ZDHHC2: variants seen among roughly 807,000 people sequenced by gnomAD.
The protein encoded by ZDHHC2 is palmitoyltransferase ZDHHC2.
ZDHHC2 carries 51 observed loss-of-function variants against 55.6 expected under a neutral mutation model. That is an observed-to-expected ratio of 0.92 (90% confidence interval 0.73 to 1.16). The LOEUF (loss-of-function observed/expected upper bound fraction) is 1.16. Among genes scored for constraint, ZDHHC2 ranks in the 50% most tolerant of loss-of-function variants. The pLI, the probability that ZDHHC2 is intolerant of heterozygous loss-of-function variation, is 0.00. For synonymous variants in ZDHHC2, 199 were observed against 152.9 expected, an observed-to-expected ratio of 1.30 and a Z score of -2.22; for missense variants, 491 against 442.4, an observed-to-expected ratio of 1.11 and a Z score of -0.99.
chr8:17,167,282 C>G (rs576278222), intron 1 of ZDHHC2, among the ~76,000 whole-genome samples: 235 of 148,182 alleles, frequency 1.6e-3, no homozygotes, highest in Middle Eastern at 0.011. Flanking sequence ...TATAAACAAG[C>G]TGGTAATACT....
Position 17,198,152 on chromosome 8 carries a change from C to T in ZDHHC2, c.444-229C>T, listed in dbSNP as rs1455616269. 2.6e-5 allele frequency among the ~76,000 whole-genome samples: 4 copies of T among 152,180 alleles called. No homozygotes were observed. The South Asian group carries it at 6.2e-4, about 24-fold the overall frequency. ...TGTTTTTAGGAAATGAGTTGCTTTG[C>T]ATCTTAAGCATGTATATTTTGAATT... On this transcript the variant is annotated intron_variant, in intron 5 of 12. Transcript: ENST00000262096.
At chr8:17,196,420 T>A (rs1046989514) in intron 4 of ZDHHC2, among the ~76,000 whole-genome samples, 9 of 152,112 alleles carry the variant, frequency 5.9e-5, no homozygotes, top group Admixed American at 2.0e-4. Flanking sequence ...ACAGACACAG[T>A]GGCTTGTGCC....
intron 1 of ZDHHC2, among the ~76,000 whole-genome samples, chr8:17,181,280 A>G (rs527476765): frequency 6.6e-6 from 1 of 152,356 alleles, no homozygotes; most frequent in South Asian, 2.1e-4. Context: ...CAGATGCTCT[A>G]TGCCAGTTCT....
intron 6 of ZDHHC2, among the ~76,000 whole-genome samples, chr8:17,202,721 T>TTA (rs71964858): frequency 0.65 from 89,237 of 137,592 alleles, 30,220 homozygotes; most frequent in Non-Finnish European, 0.79. Context: ...TTTCTTCTAG[T>TTA]TATATATATA....
At chr8:17,204,185 C>T (rs1283552362) in intron 6 of ZDHHC2, among the ~76,000 whole-genome samples, 1 of 152,212 alleles carries the variant, frequency 6.6e-6, no homozygotes, top group African/African-American at 2.4e-5. Flanking sequence ...ATGCTATTCC[C>T]TTTACCTTAT....
intron 1 of ZDHHC2, among the ~76,000 whole-genome samples, chr8:17,168,839 T>C (rs900867771): frequency 1.2e-4 from 19 of 152,168 alleles, no homozygotes; most frequent in Non-Finnish European, 2.5e-4. Flanking sequence ...TTTTCAAAGT[T>C]CACCTGTGTT....
At chr8:17,184,920 G>C in intron 2 of ZDHHC2, 105 bp downstream of exon 2, 1 of 1,021,780 alleles carries the variant, frequency 9.8e-7, no homozygotes, top group Non-Finnish European at 1.4e-6. Flanking sequence ...TGAGAATGTG[G>C]AGACAAGCTA....
At chr8:17,196,136 C>A (rs1342381703) in intron 4 of ZDHHC2, among the ~76,000 whole-genome samples, 2 of 151,880 alleles carry the variant, frequency 1.3e-5, no homozygotes, top group Non-Finnish European at 2.9e-5. Context: ...AAATCTCTTA[C>A]TTGGGACATA....
chr8:17,191,445 C>T (rs1806023469), intron 3 of ZDHHC2, among the ~76,000 whole-genome samples: 1 of 152,164 alleles, frequency 6.6e-6, no homozygotes, highest in Non-Finnish European at 1.5e-5. Flanking sequence ...TAACTTTCCC[C>T]ACTTATGTCC....
chr8:17,172,084 G>A (rs138556819), intron 1 of ZDHHC2, among the ~76,000 whole-genome samples: 41 of 152,090 alleles, frequency 2.7e-4, no homozygotes, highest in African/African-American at 6.3e-4. Context: ...AAAGCCCCGC[G>A]TCTATCACCT....
intron 1 of ZDHHC2, among the ~76,000 whole-genome samples, chr8:17,161,110 A>G (rs1484703480): frequency 6.6e-6 from 1 of 152,194 alleles, no homozygotes; most frequent in Non-Finnish European, 1.5e-5. Flanking sequence ...AAACATCCCT[A>G]AGAACAAAAT....
intron 1 of ZDHHC2, among the ~76,000 whole-genome samples, chr8:17,161,244 C>T (rs545218811): frequency 6.6e-6 from 1 of 152,278 alleles, no homozygotes; most frequent in South Asian, 2.1e-4. Context: ...TGAATTTGAG[C>T]TACACAGAAG....
chr8:17,210,446 T>G lies in ZDHHC2; in HGVS notation c.916T>G (p.Ser306Ala), dbSNP rs779596769. 6.2e-7 allele frequency: 1 copy of G among 1,613,124 alleles called. No homozygotes were observed. The highest frequency in any genetic ancestry group is 2.2e-5 in the East Asian group (1 of 44,826). Residue 306 changes from serine to alanine, a missense_variant, in exon 10 of 13, where the codon TCT becomes GCT. Physicochemically the swap from Ser to Ala is moderately conservative, Grantham distance 99. Transcript: ENST00000262096. ...TGTTAACCAGGATCCTGAACAAGCA[T>G]CTACTCCTGCAGGGCTGAATTCCAC... ...CLVNQDPEQA[S>A]TPAGLNSTAK...
intron 1 of ZDHHC2, among the ~76,000 whole-genome samples, chr8:17,182,101 T>C (rs1218760054): frequency 6.6e-6 from 1 of 152,206 alleles, no homozygotes; most frequent in Non-Finnish European, 1.5e-5. Flanking sequence ...ATAGTCCATA[T>C]ATCTGTTAAT....
At chr8:17,179,336 A>G (rs1342915699) in intron 1 of ZDHHC2, among the ~76,000 whole-genome samples, 3 of 152,216 alleles carry the variant, frequency 2.0e-5, no homozygotes, top group African/African-American at 4.8e-5. Context: ...TGGTGACCCA[A>G]TCTACAAGCT....
At chr8:17,168,178 G>T (rs1211186403) in intron 1 of ZDHHC2, among the ~76,000 whole-genome samples, 1 of 152,144 alleles carries the variant, frequency 6.6e-6, no homozygotes, top group African/African-American at 2.4e-5. Flanking sequence ...GACTGAAAAA[G>T]GTCAAGGAAG....
Position 17,215,340 on chromosome 8 carries a change from T to A in ZDHHC2, c.1054T>A (p.Cys352Ser). The change falls in exon 11 of 13, where the codon TGC becomes AGC. Residue 352 changes from cysteine (C) to serine (S), a missense_variant. Physicochemically the swap from Cys to Ser is moderately radical, Grantham distance 112. Coordinates refer to ENST00000262096, the MANE Select transcript of ZDHHC2 (RefSeq NM_016353.5). ...WTESSINPGK[C>S]KAGMSNPALT... ...GGAGAGCAGCATAAACCCAGGAAAATGCAAAGCTGGTAAGGGTGTGCTTGT... is the reference window on the plus strand; with the variant it reads ...GGAGAGCAGCATAAACCCAGGAAAAAGCAAAGCTGGTAAGGGTGTGCTTGT... 1 of 1,579,402 alleles carries A rather than the reference T, an allele frequency of 6.3e-7. No homozygotes were observed. Among genetic ancestry groups the A allele is most frequent in the Non-Finnish European group, 8.6e-7 (1 of 1,161,708 alleles).
chr8:17,200,413 T>C lies in ZDHHC2; in HGVS notation c.476+2000T>C, dbSNP rs117475413. On this transcript the variant is annotated intron_variant, in intron 6 of 12. Coordinates refer to ENST00000262096, the MANE Select transcript of ZDHHC2 (RefSeq NM_016353.5). ...TCTTGTCTCAGAGTCTGCTTTGGGG[T>C]AAACCCATGTTAAGCACCCTCCTTT... 6.7e-3 allele frequency among the ~76,000 whole-genome samples: 1,015 copies of C among 152,306 alleles called. 9 individuals are homozygous for C. The highest frequency in any genetic ancestry group is 0.041 in the East Asian group (214 of 5,168).
intron 1 of ZDHHC2, among the ~76,000 whole-genome samples, chr8:17,166,383 G>A (rs1804600760): frequency 6.6e-6 from 1 of 152,166 alleles, no homozygotes; most frequent in African/African-American, 2.4e-5. Context: ...AGGATGATCA[G>A]TTGAGATGCA....
Sources: gnomAD v4.1 joint callset for allele counts (sites outside exome capture counted in the v4.1 genomes callset) on GRCh38, gnomAD v4.1.1 for gene constraint, MANE v1.5 for transcripts, NCBI Gene and HGNC (gene_info 2026-07-23, HGNC 2026-07-21) for gene names.